Variants in GRIK1 observed in about 807,000 individuals in gnomAD.
GRIK1 encodes glutamate receptor ionotropic, kainate 1.
A neutral mutation model predicts 105.7 loss-of-function variants in GRIK1; 69 were observed. The observed-to-expected ratio is 0.65, with a 90% CI of 0.54 to 0.80. The LOEUF is 0.80. Among genes scored for constraint, GRIK1 ranks in the 30% least tolerant of loss-of-function variants. The pLI is 0.00. For synonymous variants in GRIK1, 438 were observed against 431.3 expected (o/e 1.02, Z -0.19); for missense variants, 1,109 against 1,167.3 (o/e 0.95, Z 0.73).
chr21:29,571,235 G>A (rs555722585), intron 14 of GRIK1, among the ~76,000 whole-genome samples: 1 of 152,044 alleles, frequency 6.6e-6, no homozygotes, highest in East Asian at 1.9e-4. Flanking sequence ...GCGGGTGCCT[G>A]TTATCCCAGC....
At chr21:29,726,040 A>G (rs1569019663) in intron 1 of GRIK1, among the ~76,000 whole-genome samples, 2 of 152,194 alleles carry the variant, frequency 1.3e-5, no homozygotes, top group African/African-American at 4.8e-5. Context: ...ACTCATGTCA[A>G]AATGGGGAAA....
chr21:29,875,030 A>G (rs914030053), intron 1 of GRIK1, among the ~76,000 whole-genome samples: 3 of 147,284 alleles, frequency 2.0e-5, no homozygotes, highest in Admixed American at 1.4e-4. Context: ...GTGTGTGTGT[A>G]TGCGTGTGTA....
chr21:29,609,164 A>G (rs2061678827), intron 7 of GRIK1, among the ~76,000 whole-genome samples: 1 of 150,834 alleles, frequency 6.6e-6, no homozygotes, highest in Admixed American at 6.6e-5. Context: ...TTATCTTTTA[A>G]TAAGATATAG....
At chr21:29,620,751 A>C (rs1236733016) in intron 7 of GRIK1, among the ~76,000 whole-genome samples, 1 of 145,532 alleles carries the variant, frequency 6.9e-6, no homozygotes, top group Non-Finnish European at 1.5e-5. Flanking sequence ...AGTCTAAGTT[A>C]CATAAATGGT....
At chr21:29,812,064 C>A (rs1052725654) in intron 1 of GRIK1, among the ~76,000 whole-genome samples, 2 of 152,126 alleles carry the variant, frequency 1.3e-5, no homozygotes, top group African/African-American at 2.4e-5. Context: ...AGGTCAGTTA[C>A]CTTCATGTGA....
intron 1 of GRIK1, among the ~76,000 whole-genome samples, chr21:29,764,272 CA>C (rs2065602035): frequency 6.6e-6 from 1 of 152,156 alleles, no homozygotes; most frequent in Admixed American, 6.5e-5. Flanking sequence ...ATACTACTTT[CA>C]GTTTACTAGT....
intron 14 of GRIK1, among the ~76,000 whole-genome samples, chr21:29,563,301 T>C (rs186297738): frequency 1.8e-3 from 281 of 152,298 alleles, no homozygotes; most frequent in African/African-American, 6.4e-3. Context: ...AATTCCAACC[T>C]CTATTTAGGA....
chr21:29,897,286 C>T (rs1158459502), intron 1 of GRIK1, among the ~76,000 whole-genome samples: 1 of 152,082 alleles, frequency 6.6e-6, no homozygotes, highest in Non-Finnish European at 1.5e-5. Context: ...GTTGAAATTA[C>T]AAAGAACCAT....
intron 7 of GRIK1, among the ~76,000 whole-genome samples, chr21:29,634,916 A>G (rs1440355770): frequency 2.6e-5 from 4 of 152,194 alleles, no homozygotes; most frequent in African/African-American, 4.8e-5. Context: ...GTGTTCGTAA[A>G]GGGTAGAATA....
At chr21:29,900,030 G>A (rs1335246978) in intron 1 of GRIK1, among the ~76,000 whole-genome samples, 1 of 151,030 alleles carries the variant, frequency 6.6e-6, no homozygotes. Flanking sequence ...ACTCAAAGTG[G>A]CAAATGCTGA....
At chr21:29,899,893 T>C (rs947892604) in intron 1 of GRIK1, among the ~76,000 whole-genome samples, 1 of 152,128 alleles carries the variant, frequency 6.6e-6, no homozygotes, top group Non-Finnish European at 1.5e-5. Flanking sequence ...TAAATGCTTA[T>C]TACATATTCA....
intron 6 of GRIK1, among the ~76,000 whole-genome samples, chr21:29,645,129 C>T (rs139145787): frequency 1.6e-4 from 25 of 152,248 alleles, no homozygotes; most frequent in Non-Finnish European, 3.2e-4. Context: ...GCACTATAAG[C>T]ATTTTACATA....
intron 16 of GRIK1, among the ~76,000 whole-genome samples, chr21:29,545,393 C>T (rs2090034929): frequency 6.6e-6 from 1 of 152,226 alleles, no homozygotes; most frequent in Admixed American, 6.5e-5. Context: ...TCTAGCTTCC[C>T]TCTGGCTTCC....
intron 1 of GRIK1, among the ~76,000 whole-genome samples, chr21:29,699,442 C>A (rs1170830459): frequency 6.6e-6 from 1 of 152,062 alleles, no homozygotes. Flanking sequence ...GAGGGCCAAG[C>A]AAGAAGGAGG....
intron 1 of GRIK1, among the ~76,000 whole-genome samples, chr21:29,811,455 T>C (rs1032310205): frequency 6.6e-6 from 1 of 152,162 alleles, no homozygotes; most frequent in Non-Finnish European, 1.5e-5. Flanking sequence ...TCTCTAACTA[T>C]AAGTAGATTT....
intron 1 of GRIK1, among the ~76,000 whole-genome samples, chr21:29,821,050 C>G (rs1189435587): frequency 7.4e-6 from 1 of 135,628 alleles, no homozygotes; most frequent in Admixed American, 7.4e-5. Flanking sequence ...ACCCTCCCAA[C>G]ACACAGTAAA....
In GRIK1 at chr21:29,689,962, C is replaced by A. The variant is rs573466950; in HGVS notation, c.310G>T (p.Val104Leu). 1 of 1,611,450 alleles carries A rather than the reference C, an allele frequency of 6.2e-7. No homozygotes were observed. The highest frequency in any genetic ancestry group is 1.3e-5 in the African/African-American group (1 of 74,788). The change falls in exon 3 of 18, where the codon GTG becomes TTG. Residue 104 changes from valine to leucine, a missense_variant. Val to Leu is a conservative substitution (Grantham distance 32). Transcript: ENST00000327783. ...TGGGAAGGGCCAAAGAGAGCAGCCA[C>A]ACCAAGAGCCAGCTGGTCACATGCT... is the stretch of plus-strand genomic sequence containing the variant. The part of the protein sequence containing the change: ...RRACDQLALG[V>L]AALFGPSHSS...
chr21:29,601,905 C>T (rs150512305), intron 7 of GRIK1, among the ~76,000 whole-genome samples: 35 of 149,912 alleles, frequency 2.3e-4, no homozygotes, highest in Admixed American at 6.0e-4. Context: ...ATTTTTTTCT[C>T]GCTCTAATTT....
intron 7 of GRIK1, among the ~76,000 whole-genome samples, chr21:29,617,394 G>A (rs567087292): frequency 2.0e-5 from 3 of 152,284 alleles, no homozygotes; most frequent in South Asian, 2.1e-4. Flanking sequence ...TTGTTCCCGT[G>A]TGCAAGTTTG....
Sources: allele counts gnomAD v4.1 joint callset (sites outside exome capture counted in the v4.1 genomes callset), GRCh38; gene constraint gnomAD v4.1.1; transcripts MANE v1.5; gene names NCBI Gene and HGNC (gene_info 2026-07-23, HGNC 2026-07-21).